Variants in BRI3BP observed in about 807,000 individuals in gnomAD.
The protein encoded by BRI3BP is BRI3-binding protein.
A neutral mutation model predicts 15.8 loss-of-function variants in BRI3BP; 7 were observed. The ratio of observed to expected loss-of-function variants is 0.44; its 90% CI spans 0.25 to 0.83. The LOEUF is 0.83. BRI3BP is among the 40% of genes least tolerant of loss of function. The pLI is 0.20. For missense variants in BRI3BP, 320 were observed against 339.3 expected (o/e 0.94, Z 0.45); for synonymous variants, 192 against 163.5 (o/e 1.17, Z -1.33).
chr12:125,050,807 A>G, the BRI3BP span, among the ~76,000 whole-genome samples: 1 of 152,238 alleles, frequency 6.6e-6, no homozygotes, highest in Non-Finnish European at 1.5e-5. Context: ...AGCCTTCTCG[A>G]GGTCTTTAAC....
chr12:125,002,156 A>G (rs1429266305), intron 1 of BRI3BP, among the ~76,000 whole-genome samples: 1 of 152,154 alleles, frequency 6.6e-6, no homozygotes, highest in African/African-American at 2.4e-5. Flanking sequence ...TTGTGAATGG[A>G]TGCTGCTGTG....
At chr12:125,016,534 G>C (rs573388219) in intron 2 of BRI3BP, among the ~76,000 whole-genome samples, 3 of 151,156 alleles carry the variant, frequency 2.0e-5, no homozygotes, top group Admixed American at 6.6e-5. Context: ...GTGGGGAGTG[G>C]GGGGTAGGAG....
the BRI3BP span, among the ~76,000 whole-genome samples, chr12:125,037,329 A>T: frequency 6.6e-6 from 1 of 151,294 alleles, no homozygotes; most frequent in African/African-American, 2.4e-5. Flanking sequence ...CAGTGCTGGG[A>T]TTACAGGCGT....
chr12:125,036,369 T>A, the BRI3BP span, among the ~76,000 whole-genome samples: 16 of 151,198 alleles, frequency 1.1e-4, no homozygotes, highest in African/African-American at 2.7e-4. Flanking sequence ...GGCCTAATTT[T>A]TTTTATTTTA....
chr12:125,026,768 A>T lies in BRI3BP; in HGVS notation c.*1338A>T, dbSNP rs918237511. On this transcript the variant is annotated 3_prime_UTR_variant, in exon 3 of 3. Coordinates refer to ENST00000341446, the MANE Select transcript of BRI3BP (RefSeq NM_080626.6). The stretch of plus-strand genomic sequence containing the variant: ...GGAGTTCAAGACCAGCCTGGCCAAC[A>T]TGGTGAAACCCCCGTCTCTACTAAA... 4 of 152,206 alleles carry T rather than the reference A, an allele frequency of 2.6e-5. No individual in the cohort carries two copies. Among genetic ancestry groups the T allele is most frequent in the Non-Finnish European group, 4.4e-5 (3 of 68,098 alleles). The allele number at this position is 152,206 out of a possible 1,614,324, so 9.4% of individuals were successfully genotyped here.
In BRI3BP at chr12:125,015,454, C is replaced by A. The variant is rs547297547; in HGVS notation, c.316+2818C>A. On this transcript the variant is annotated intron_variant, in intron 2 of 2. Coordinates refer to ENST00000341446, the MANE Select transcript of BRI3BP (RefSeq NM_080626.6). ...CTTGAACTTTCAGAGGGAGTGTGGC[C>A]CCACCAAGACCTTGATTTCAGACTT... 3.3e-5 allele frequency among the ~76,000 whole-genome samples: 5 copies of A among 152,136 alleles called. No homozygotes were observed. In the South Asian group the frequency reaches 1.0e-3, roughly 32 times the overall value.
Position 125,029,400 on chromosome 12 carries a change from TG to T in BRI3BP, c.*3973del, listed in dbSNP as rs1427563889. The stretch of plus-strand genomic sequence containing the variant: ...AAAAAAAAATAGCCAGGTGTGGTGG[TG>T]GGTTCCTGTAGTCCCAGCTACTCAG... On this transcript the variant is annotated 3_prime_UTR_variant, in exon 3 of 3. Coordinates refer to ENST00000341446, the MANE Select transcript of BRI3BP (RefSeq NM_080626.6). 3.6e-5 allele frequency: 5 copies of T among 140,224 alleles called. No homozygotes were observed. Among genetic ancestry groups the T allele is most frequent in the African/African-American group, 1.3e-4 (5 of 37,876 alleles). The allele number at this position is 140,224 out of a possible 1,614,324, so 8.7% of individuals were successfully genotyped here.
the BRI3BP span, among the ~76,000 whole-genome samples, chr12:125,046,105 C>T: frequency 2.6e-5 from 4 of 151,454 alleles, no homozygotes; most frequent in African/African-American, 9.7e-5. Flanking sequence ...GTGGAGGTTG[C>T]AGTGAGCTGA....
chr12:125,049,704 A>T, the BRI3BP span, among the ~76,000 whole-genome samples: 1 of 152,030 alleles, frequency 6.6e-6, no homozygotes, highest in Admixed American at 6.5e-5. Context: ...CGGCCTATGA[A>T]CCGGAACGCG....
At position 124,993,829 on chromosome 12, in the gene BRI3BP, C is replaced by G; in HGVS notation, c.39C>G (p.Ala13=). ...ARASGGPLAR[A]GLLLLLLLLL... is the part of the protein sequence containing the mutation. Reference sequence around the variant, plus strand: ...CCTCAGGCGGGCCCCTGGCCCGGGCCGGGCTCCTGCTGCTGCTGCTGCTGC... The same window carrying G: ...CCTCAGGCGGGCCCCTGGCCCGGGCGGGGCTCCTGCTGCTGCTGCTGCTGC... The change falls in exon 1 of 3, where the codon GCC becomes GCG. Residue 13 remains alanine, a synonymous_variant. Coordinates refer to ENST00000341446, the MANE Select transcript of BRI3BP (RefSeq NM_080626.6). 7.0e-6 allele frequency: 8 copies of G among 1,140,684 alleles called. No individual in the cohort carries two copies. The highest frequency in any genetic ancestry group is 4.9e-5 in the East Asian group (1 of 20,232). 70.7% of individuals were successfully genotyped at this position (1,140,684 alleles called of 1,614,324 possible).
At chr12:125,043,974 G>A in the BRI3BP span, among the ~76,000 whole-genome samples, 4 of 150,644 alleles carry the variant, frequency 2.7e-5, no homozygotes, top group African/African-American at 7.3e-5. Context: ...GCAGTGAGCT[G>A]TGATCACACC....
chr12:125,038,792 G>A, the BRI3BP span, among the ~76,000 whole-genome samples: 39 of 145,788 alleles, frequency 2.7e-4, no homozygotes, highest in Non-Finnish European at 4.4e-4. Flanking sequence ...AAAATAAATA[G>A]AATAGAATAA....
intron 1 of BRI3BP, among the ~76,000 whole-genome samples, chr12:125,003,999 ACAC>A (rs1594529104): frequency 0.02 from 372 of 18,186 alleles, 3 homozygotes; most frequent in South Asian, 0.059. Context: ...ACACACACAC[ACAC>A]AACACACAAT....
At chr12:125,009,134 C>T (rs893994639) in intron 1 of BRI3BP, among the ~76,000 whole-genome samples, 6 of 151,718 alleles carry the variant, frequency 4.0e-5, no homozygotes, top group Admixed American at 2.0e-4. Flanking sequence ...CACAACACTA[C>T]ACTCAGCTAA....
At chr12:125,013,622 G>A (rs1157141160) in intron 2 of BRI3BP, among the ~76,000 whole-genome samples, 1 of 152,184 alleles carries the variant, frequency 6.6e-6, no homozygotes, top group Non-Finnish European at 1.5e-5. Flanking sequence ...TAGCTCTCCA[G>A]CTTCTGCCAT....
chr12:125,003,016 G>A (rs1434618547), intron 1 of BRI3BP, among the ~76,000 whole-genome samples: 5 of 152,186 alleles, frequency 3.3e-5, no homozygotes, highest in African/African-American at 9.7e-5. Context: ...TGGTTCATAC[G>A]TGGTCTGTAT....
At position 125,026,598 on chromosome 12, in the gene BRI3BP, C is replaced by G. The variant is rs905913579; in HGVS notation, c.*1168C>G. ...GTGGGGATCCTGGGCAAGGGAGTTT[C>G]AGAAGGTGTGGCTCAGGGGCTGGTA... On this transcript the variant is annotated 3_prime_UTR_variant, in exon 3 of 3. Coordinates refer to ENST00000341446, the MANE Select transcript of BRI3BP (RefSeq NM_080626.6). The G allele has an allele frequency of 2.0e-5, 3 of 152,026 alleles. No homozygotes were observed. The highest frequency in any genetic ancestry group is 7.2e-5 in the African/African-American group (3 of 41,388). The allele number at this position is 152,026 out of a possible 1,614,324, so 9.4% of individuals were successfully genotyped here.
At chr12:125,049,686 G>A in the BRI3BP span, among the ~76,000 whole-genome samples, 1 of 152,228 alleles carries the variant, frequency 6.6e-6, no homozygotes, top group African/African-American at 2.4e-5. Context: ...AGGATTGGCT[G>A]GGAGGTGCGG....
At chr12:125,017,841 A>G (rs1252113551) in intron 2 of BRI3BP, among the ~76,000 whole-genome samples, 2 of 152,196 alleles carry the variant, frequency 1.3e-5, no homozygotes, top group African/African-American at 4.8e-5. Context: ...GCGTCGGCAC[A>G]GGGCAGGGGT....
Sources: gnomAD v4.1 joint callset for allele counts (sites outside exome capture counted in the v4.1 genomes callset) on GRCh38, gnomAD v4.1.1 for gene constraint, MANE v1.5 for transcripts, NCBI Gene and HGNC (gene_info 2026-07-23, HGNC 2026-07-21) for gene names.